The following ST18 variants were observed in gnomAD, a reference collection of about 807,000 sequenced individuals.
ST18 encodes the protein ST18 C2H2C-type zinc finger transcription factor, also known as suppression of tumorigenicity 18 protein.
In ST18, 50 loss-of-function variants were observed where a neutral mutation model predicts 110.0. That is an observed-to-expected ratio of 0.45 (90% confidence interval 0.36 to 0.58). The LOEUF (loss-of-function observed/expected upper bound fraction) is 0.58, where lower values mean the gene tolerates loss of function less well. Ranked by LOEUF, ST18 falls within the 20% of genes least tolerant of loss-of-function variation. The pLI is 0.00. For synonymous variants in ST18, 461 were observed against 452.4 expected (o/e 1.02, Z -0.24); for missense variants, 1,306 against 1,280.1 (o/e 1.02, Z -0.31).
chr8:52,154,507 G>C (rs1032638029), intron 15 of ST18: 1 of 152,162 alleles, frequency 6.6e-6, no homozygotes, highest in Non-Finnish European at 1.5e-5. Flanking sequence ...TGGTGATCAG[G>C]GTGGGAGGAG....
chr8:52,264,378 A>C (rs2094801674), intron 2 of ST18, among the ~76,000 whole-genome samples: 1 of 152,214 alleles, frequency 6.6e-6, no homozygotes, highest in South Asian at 2.1e-4. Flanking sequence ...AGCCAATTAA[A>C]ACATTTCTCT....
chr8:52,330,982 G>GGGCAGGCAGA (rs1809045336), intron 2 of ST18, among the ~76,000 whole-genome samples: 1 of 152,168 alleles, frequency 6.6e-6, no homozygotes, highest in Non-Finnish European at 1.5e-5. Context: ...ACAGGGGAAG[G>GGGCAGGCAGA]GGCAGGCAGA....
At chr8:52,243,873 AAGAGAGAGGG>A (rs914311842) in intron 2 of ST18, among the ~76,000 whole-genome samples, 4 of 151,982 alleles carry the variant, frequency 2.6e-5, no homozygotes, top group African/African-American at 4.8e-5. Flanking sequence ...GAAAGAGAGA[AAGAGAGAGGG>A]AGAGAGAGGG....
Position 52,133,220 on chromosome 8 carries a change from G to A in ST18, c.2363+19C>T, listed in dbSNP as rs1416516795. The A allele has an allele frequency of 6.2e-7, 1 of 1,614,134 alleles. No homozygotes were observed. Among genetic ancestry groups the A allele is most frequent in the South Asian group, 1.1e-5 (1 of 91,068 alleles). ...CCGACAAGCTCATTTCCACATCTCAGAAATAAGATCAATCCTACCTTCTGT... is the reference window on the plus strand; with the variant it reads ...CCGACAAGCTCATTTCCACATCTCAAAAATAAGATCAATCCTACCTTCTGT... On this transcript the variant is annotated intron_variant, in intron 20 of 25. Coordinates refer to ENST00000689386, the MANE Select transcript of ST18 (RefSeq NM_001352837.2).
intron 7 of ST18, 30 bp from the exon 8 acceptor site, chr8:52,212,139 C>G: frequency 6.3e-7 from 1 of 1,588,072 alleles, no homozygotes; most frequent in Non-Finnish European, 8.5e-7. Flanking sequence ...AAAAAGAAGA[C>G]TTAATCAGTT....
At chr8:52,125,832 T>C (rs1018053833) in intron 23 of ST18, 2 of 516,422 alleles carry the variant, frequency 3.9e-6, no homozygotes, top group African/African-American at 3.8e-5. Flanking sequence ...ACTGCCTGAC[T>C]TTCTCTGTTG....
At chr8:52,361,883 C>T (rs1020017015) in intron 2 of ST18, among the ~76,000 whole-genome samples, 19 of 151,262 alleles carry the variant, frequency 1.3e-4, no homozygotes, top group African/African-American at 3.9e-4. Context: ...CAATTCAAAG[C>T]GTTTGTTGAT....
At chr8:52,289,828 G>T (rs1050409894) in intron 2 of ST18, among the ~76,000 whole-genome samples, 17 of 152,134 alleles carry the variant, frequency 1.1e-4, no homozygotes, top group African/African-American at 4.1e-4. Flanking sequence ...TTGTTGGAAA[G>T]GTAGATACTC....
intron 2 of ST18, among the ~76,000 whole-genome samples, chr8:52,244,249 C>T (rs1028480082): frequency 2.0e-5 from 3 of 152,148 alleles, no homozygotes; most frequent in South Asian, 4.1e-4. Flanking sequence ...AGGTCTCTAT[C>T]GAAACCCGCA....
intron 2 of ST18, among the ~76,000 whole-genome samples, chr8:52,338,111 T>G (rs193189248): frequency 4.3e-4 from 66 of 152,284 alleles, no homozygotes; most frequent in African/African-American, 1.5e-3. Context: ...CAGGCTGGAG[T>G]GCAATGGCAT....
chr8:52,387,963 C>A (rs1031261417), intron 2 of ST18, among the ~76,000 whole-genome samples: 1 of 151,212 alleles, frequency 6.6e-6, no homozygotes, highest in Non-Finnish European at 1.5e-5. Flanking sequence ...CCCACCCCCC[C>A]GCCCCACGCC....
intron 14 of ST18, among the ~76,000 whole-genome samples, chr8:52,160,535 T>C (rs574386191): frequency 1.5e-4 from 23 of 152,360 alleles, no homozygotes; most frequent in Non-Finnish European, 2.9e-4. Context: ...TGCAGAATGT[T>C]GTAAAAAATT....
At chr8:52,147,511 G>A (rs1481785420) in intron 16 of ST18, among the ~76,000 whole-genome samples, 1 of 152,072 alleles carries the variant, frequency 6.6e-6, no homozygotes, top group Non-Finnish European at 1.5e-5. Flanking sequence ...TGAAGCAAAT[G>A]TGTTTTGTTA....
At chr8:52,378,390 T>C (rs1447740676) in intron 2 of ST18, among the ~76,000 whole-genome samples, 1 of 152,164 alleles carries the variant, frequency 6.6e-6, no homozygotes, top group Admixed American at 6.5e-5. Flanking sequence ...GTATCTATAA[T>C]AATTAAATTT....
chr8:52,379,102 C>CTTT lies in ST18; in HGVS notation c.-465+30223_-465+30225dup, dbSNP rs35639924. 8.2e-5 allele frequency among the ~76,000 whole-genome samples: 12 copies of CTTT among 145,700 alleles called. 1 individual carries two copies. Among genetic ancestry groups the CTTT allele is most frequent in the Non-Finnish European group, 1.3e-4 (9 of 66,676 alleles). ...AGAATAAAATCTATTTCTTTTCTTT[C>CTTT]TTTTTTTTTTTTTTGAGACAGGGTC... is the stretch of plus-strand genomic sequence containing the variant. On this transcript the variant is annotated intron_variant, in intron 2 of 25. Coordinates refer to ENST00000689386, the MANE Select transcript of ST18 (RefSeq NM_001352837.2).
chr8:52,329,071 C>T (rs1362682130), intron 2 of ST18, among the ~76,000 whole-genome samples: 2 of 152,266 alleles, frequency 1.3e-5, no homozygotes, highest in East Asian at 3.9e-4. Flanking sequence ...ATTCTGCTTT[C>T]TCTCACCCAG....
intron 6 of ST18, 145 bp from the exon 7 acceptor site, chr8:52,214,402 C>T (rs1316459641): frequency 1.4e-6 from 1 of 704,768 alleles, no homozygotes; most frequent in African/African-American, 1.8e-5. Flanking sequence ...TAGTACATAA[C>T]TGTGACTCCC....
intron 8 of ST18, among the ~76,000 whole-genome samples, chr8:52,205,996 T>C (rs1002300048): frequency 6.6e-6 from 1 of 152,144 alleles, no homozygotes; most frequent in African/African-American, 2.4e-5. Context: ...TTCCCCAAAG[T>C]GTGGATAGTA....
intron 2 of ST18, among the ~76,000 whole-genome samples, chr8:52,357,706 TATATATATATATATATATATATATAA>T (rs1823604809): frequency 9.1e-6 from 1 of 110,238 alleles, no homozygotes; most frequent in African/African-American, 3.7e-5. Context: ...TATATATATA[TATATATATATATATATATATATATAA>T]AACAGACTCA....
Sources: gnomAD v4.1 joint callset for allele counts (sites outside exome capture counted in the v4.1 genomes callset) on GRCh38, gnomAD v4.1.1 for gene constraint, MANE v1.5 for transcripts, NCBI Gene and HGNC (gene_info 2026-07-23, HGNC 2026-07-21) for gene names.